The following SUN1 variants were observed in gnomAD, a reference collection of about 807,000 sequenced individuals.
SUN1 encodes Sad1 and UNC84 domain containing 1.
Under a neutral mutation model 103.2 loss-of-function variants are expected in SUN1, and 61 were observed. That is an observed-to-expected ratio of 0.59 (90% CI 0.48 to 0.73). The LOEUF (loss-of-function observed/expected upper bound fraction) is 0.73. Ranked by LOEUF, SUN1 falls within the 30% of genes least tolerant of loss-of-function variation. The pLI is 0.00. For missense variants in SUN1, 1,052 were observed against 1,034.6 expected (o/e 1.02, Z -0.23); for synonymous variants, 490 against 425.7 (o/e 1.15, Z -1.86).
intron 12 of SUN1, among the ~76,000 whole-genome samples, chr7:856,632 T>A (rs758815680): frequency 6.6e-6 from 1 of 152,134 alleles, no homozygotes; most frequent in African/African-American, 2.4e-5. Flanking sequence ...TAGTTAGCAC[T>A]CTCAAAGGTG....
chr7:830,916 C>T (rs1797345749), upstream of SUN1: 2 of 983,918 alleles, frequency 2.0e-6, no homozygotes, highest in South Asian at 4.7e-5. Context: ...GGGCTGGGTT[C>T]TGCAGAAGCT....
chr7:857,037 C>T (rs990574456), intron 12 of SUN1, among the ~76,000 whole-genome samples: 5 of 152,178 alleles, frequency 3.3e-5, no homozygotes, highest in South Asian at 2.1e-4. Context: ...TCCACACGAC[C>T]ACTGATTTGC....
chr7:825,330 G>A (rs1255599320), intron 1 of SUN1, among the ~76,000 whole-genome samples: 1 of 152,102 alleles, frequency 6.6e-6, no homozygotes, highest in East Asian at 1.9e-4. Context: ...CCAAAGTGTT[G>A]GGATTACAGG....
At chr7:849,536 T>C (rs752804100) in intron 5 of SUN1, 21 of 1,384,704 alleles carry the variant, frequency 1.5e-5, no homozygotes, top group Non-Finnish European at 2.0e-5. Context: ...CCAGTTACTA[T>C]GGGAGAATGA....
At chr7:826,608 C>A (rs1007015487) in intron 1 of SUN1, among the ~76,000 whole-genome samples, 1 of 152,120 alleles carries the variant, frequency 6.6e-6, no homozygotes, top group South Asian at 2.1e-4. Context: ...CAGAGTTTTG[C>A]AGGTTTGAGT....
At position 823,633 on chromosome 7, in the gene SUN1, T is replaced by TG. The variant is rs535525594; in HGVS notation, c.-74+6966dup. On this transcript the variant is annotated intron_variant, in intron 1 of 17. Transcript: ENST00000389574. ...CCAGTGCCGTGTGTGCAGGCAGCCA[T>TG]GGGGGGAGTCTGTGCGAACAAGGTA... Among the ~76,000 whole-genome samples the TG allele has an allele frequency of 1.4e-3, 218 of 152,074 alleles. 1 individual carries two copies. The highest frequency in any genetic ancestry group is 5.0e-3 in the African/African-American group (207 of 41,472).
chr7:871,982 A>G (rs1562853695), intron 17 of SUN1, among the ~76,000 whole-genome samples: 3 of 152,072 alleles, frequency 2.0e-5, no homozygotes, highest in South Asian at 2.1e-4. Flanking sequence ...CTCTGTCCCC[A>G]TTGAACCCTG....
chr7:863,084 G>T (rs1562792192), intron 15 of SUN1, among the ~76,000 whole-genome samples: 1 of 152,208 alleles, frequency 6.6e-6, no homozygotes, highest in Non-Finnish European at 1.5e-5. Flanking sequence ...GGAGCTTGCA[G>T]TAAGCTGAGA....
chr7:833,590 C>T (rs979686296), intron 1 of SUN1, among the ~76,000 whole-genome samples: 4 of 152,142 alleles, frequency 2.6e-5, no homozygotes, highest in Non-Finnish European at 2.9e-5. Context: ...GGATTCCAGG[C>T]GTGAGCCACC....
chr7:824,901 C>T (rs900488434), intron 1 of SUN1, among the ~76,000 whole-genome samples: 1 of 151,972 alleles, frequency 6.6e-6, no homozygotes, highest in African/African-American at 2.4e-5. Flanking sequence ...CAGGGGTGCT[C>T]GGAGGAGCAG....
chr7:837,584 C>T (rs1804702446), intron 1 of SUN1, among the ~76,000 whole-genome samples: 1 of 152,168 alleles, frequency 6.6e-6, no homozygotes, highest in Non-Finnish European at 1.5e-5. Flanking sequence ...AGTCTTGTCT[C>T]CTTGTTCTGT....
Position 857,946 on chromosome 7 carries a change from G to A in SUN1, c.1513G>A (p.Val505Ile), listed in dbSNP as rs371879209. 3.1e-5 allele frequency: 49 copies of A among 1,569,616 alleles called. No individual in the cohort carries two copies. The highest frequency in any genetic ancestry group is 3.1e-4 in the African/African-American group (23 of 73,822). The change falls in exon 13 of 19, where the codon GTA (valine) becomes ATA (isoleucine). Residue 505 changes from valine to isoleucine, a missense_variant. By Grantham distance (29) the Val-to-Ile change is conservative. Coordinates refer to ENST00000401592, the MANE Select transcript of SUN1 (RefSeq NM_001130965.3). ...VKTGCETVDA[V>I]QERVDVQVRE... ...GACCGGCTGTGAGACAGTGGATGCC[G>A]TACAAGAAAGAGTGAGCTTTCTGCA...
chr7:863,437 A>G (rs1833901881), intron 15 of SUN1, among the ~76,000 whole-genome samples: 1 of 152,176 alleles, frequency 6.6e-6, no homozygotes, highest in Non-Finnish European at 1.5e-5. Context: ...CTGCTTTGAC[A>G]ACAACATTCT....
At chr7:855,442 G>A (rs1299982276) in intron 11 of SUN1, among the ~76,000 whole-genome samples, 1 of 152,358 alleles carries the variant, frequency 6.6e-6, no homozygotes, top group African/African-American at 2.4e-5. Flanking sequence ...GGAATGCCAG[G>A]GGAGGGACTG....
intron 11 of SUN1, 68 bp downstream of exon 11, chr7:855,074 C>A: frequency 8.1e-7 from 1 of 1,229,928 alleles, no homozygotes; most frequent in South Asian, 1.3e-5. Flanking sequence ...TATTTTAAAG[C>A]CCTTTGGTCA....
chr7:832,167 G>A, upstream of SUN1: 2 of 891,132 alleles, frequency 2.2e-6, no homozygotes, highest in Non-Finnish European at 2.8e-6. Flanking sequence ...TTGACACAGT[G>A]AGGATTTAAA....
intron 1 of SUN1, chr7:817,649 T>A: frequency 4.3e-6 from 4 of 923,434 alleles, no homozygotes; most frequent in Non-Finnish European, 6.4e-6. Flanking sequence ...CTCTAATTGC[T>A]AAAGCTTTGT....
At chr7:869,153 T>TA (rs1267828491) in intron 16 of SUN1, 196 bp from the exon 17 acceptor site, 1 of 592,020 alleles carries the variant, frequency 1.7e-6, no homozygotes, top group Non-Finnish European at 2.9e-6. Flanking sequence ...TTATACAACA[T>TA]ATGGGTTGGA....
intron 1 of SUN1, among the ~76,000 whole-genome samples, chr7:834,724 A>AAACACTGAAAGGATAGTCC (rs1321624144): frequency 6.6e-6 from 1 of 152,184 alleles, no homozygotes; most frequent in Non-Finnish European, 1.5e-5. Context: ...CAATTTCAGT[A>AAACACTGAAAGGATAGTCC]AACACTGAAA....
Sources: allele counts gnomAD v4.1 joint callset (sites outside exome capture counted in the v4.1 genomes callset), GRCh38; gene constraint gnomAD v4.1.1; transcripts MANE v1.5; gene names NCBI Gene and HGNC (gene_info 2026-07-23, HGNC 2026-07-21).